DCLK2: variants seen among roughly 807,000 people sequenced by gnomAD.
The protein encoded by DCLK2 is doublecortin like kinase 2.
DCLK2 carries 31 observed loss-of-function variants against 78.4 expected under a neutral mutation model. The observed-to-expected ratio is 0.40, with a 90% CI of 0.30 to 0.53. The LOEUF (loss-of-function observed/expected upper bound fraction) is 0.53. Ranked by LOEUF, DCLK2 falls within the 20% of genes least tolerant of loss-of-function variation. The pLI is 0.61. For missense variants in DCLK2, 872 were observed against 973.7 expected, an observed-to-expected ratio of 0.90 and a Z score of 1.39; for synonymous variants, 407 against 374.9, an observed-to-expected ratio of 1.09 and a Z score of -0.99.
intron 2 of DCLK2, among the ~76,000 whole-genome samples, chr4:150,122,201 A>C (rs1732599330): frequency 1.3e-5 from 2 of 152,184 alleles, no homozygotes. Flanking sequence ...AGTTTATGGA[A>C]TATTCTAAAT....
At chr4:150,122,412 A>G (rs1479302849) in intron 2 of DCLK2, among the ~76,000 whole-genome samples, 1 of 152,240 alleles carries the variant, frequency 6.6e-6, no homozygotes. Flanking sequence ...ACCATGGAAT[A>G]CTATGCAGCC....
intron 2 of DCLK2, among the ~76,000 whole-genome samples, chr4:150,137,033 G>A (rs976650938): frequency 4.0e-5 from 5 of 125,334 alleles, no homozygotes; most frequent in Non-Finnish European, 7.8e-5. Flanking sequence ...CACCCAGGCT[G>A]TGCAGTGGTG....
chr4:150,193,910 C>G (rs1206827426), intron 3 of DCLK2, among the ~76,000 whole-genome samples: 1 of 151,922 alleles, frequency 6.6e-6, no homozygotes, highest in Non-Finnish European at 1.5e-5. Flanking sequence ...AGTCACCATT[C>G]CTGGCTAATT....
chr4:150,250,021 T>C (rs1213221601), intron 15 of DCLK2, among the ~76,000 whole-genome samples: 4 of 152,168 alleles, frequency 2.6e-5, no homozygotes, highest in African/African-American at 9.7e-5. Context: ...TGTTAGGAAT[T>C]AACTCCCTGC....
At chr4:150,190,291 ATAGATAGG>A (rs1486849543) in intron 2 of DCLK2, among the ~76,000 whole-genome samples, 8 of 140,946 alleles carry the variant, frequency 5.7e-5, no homozygotes, top group South Asian at 2.2e-4. Context: ...AGATAGATAG[ATAGATAGG>A]CAGACAGACA....
In DCLK2 at chr4:150,203,870, G is replaced by C. The variant is rs897292861; in HGVS notation, c.1037G>C (p.Gly346Ala). ...TCCAGTTCCTCTCCAACTAGTCCAG[G>C]AAGTTTCAGAGGATTAAAGGTATGA... ...KSSSSSPTSP[G>A]SFRGLKQISA... The change falls in exon 5 of 16, where the codon GGA becomes GCA. Residue 346 changes from glycine (G) to alanine (A), a missense_variant. Gly to Ala is a moderately conservative substitution (Grantham distance 60, BLOSUM62 0). Coordinates refer to ENST00000296550, the MANE Select transcript of DCLK2 (RefSeq NM_001040260.4). The C allele has an allele frequency of 6.2e-7, 1 of 1,613,450 alleles. No individual in the cohort carries two copies. The highest frequency in any genetic ancestry group is 1.3e-5 in the African/African-American group (1 of 75,014).
chr4:150,240,661 A>G (rs908895465), intron 12 of DCLK2, among the ~76,000 whole-genome samples, 185 bp downstream of exon 12: 17 of 150,902 alleles, frequency 1.1e-4, no homozygotes, highest in Non-Finnish European at 2.5e-4. Context: ...ATGACGAGTT[A>G]GTGGGTGCAG....
chr4:150,150,566 G>T (rs1430029599), intron 2 of DCLK2, among the ~76,000 whole-genome samples: 1 of 152,154 alleles, frequency 6.6e-6, no homozygotes, highest in Non-Finnish European at 1.5e-5. Context: ...TTTGATAAAT[G>T]TAGCATTTAT....
chr4:150,078,473 G>A lies in DCLK2; in HGVS notation c.-555G>A, dbSNP rs2150122538. 6.6e-6 allele frequency: 1 copy of A among 151,428 alleles called. No individual in the cohort carries two copies. Among genetic ancestry groups the A allele is most frequent in the East Asian group, 1.9e-4 (1 of 5,144 alleles). 9.4% of individuals were successfully genotyped at this position (151,428 alleles called of 1,614,324 possible). A position where few individuals can be genotyped will look rare whatever the true frequency, so the allele number is the denominator to read the frequency against. ...CACGGCCCTCTCAGCCCCGAACGGC[G>A]CGCGCTGCCCGGCGGGCGGGATCCG... On this transcript the variant is annotated 5_prime_UTR_variant, in exon 1 of 16. Transcript: ENST00000296550.
intron 2 of DCLK2, among the ~76,000 whole-genome samples, chr4:150,117,112 A>G (rs1321942151): frequency 6.6e-6 from 1 of 152,132 alleles, no homozygotes; most frequent in East Asian, 1.9e-4. Context: ...TTTCATGTGC[A>G]GGTGCAAGCA....
rs1481402696 is a variant in DCLK2 at position 150,234,653 on chromosome 4, A to G, written c.1566+1825A>G. The stretch of plus-strand genomic sequence containing the variant: ...TTGATGATTTCTGAGTATCCATTTA[A>G]AAGTATTTGAAATTTTATCTCACTG... On this transcript the variant is annotated intron_variant, in intron 10 of 15. Coordinates refer to ENST00000296550, the MANE Select transcript of DCLK2 (RefSeq NM_001040260.4). Among the ~76,000 whole-genome samples the G allele has an allele frequency of 4.6e-5, 7 of 152,222 alleles. No homozygotes were observed. The Middle Eastern group carries it at 0.01, about 222-fold the overall frequency.
chr4:150,113,543 T>A (rs1731853920), intron 2 of DCLK2, among the ~76,000 whole-genome samples: 1 of 152,186 alleles, frequency 6.6e-6, no homozygotes, highest in Admixed American at 6.5e-5. Flanking sequence ...TGCATAGAGA[T>A]GTTCATAGTA....
At chr4:150,198,248 C>G (rs1739205830) in intron 4 of DCLK2, 145 bp downstream of exon 4, 1 of 673,746 alleles carries the variant, frequency 1.5e-6, no homozygotes, top group African/African-American at 1.9e-5. Context: ...ACTTTTAAAA[C>G]CAAAAGTCAA....
chr4:150,095,445 A>C (rs376325282), intron 1 of DCLK2, among the ~76,000 whole-genome samples: 1 of 152,210 alleles, frequency 6.6e-6, no homozygotes, highest in African/African-American at 2.4e-5. Flanking sequence ...AAGTTGTTGC[A>C]TATAGCTCTC....
intron 4 of DCLK2, among the ~76,000 whole-genome samples, chr4:150,200,826 T>C (rs561620738): frequency 6.6e-6 from 1 of 152,328 alleles, no homozygotes; most frequent in South Asian, 2.1e-4. Flanking sequence ...GATATTAAGC[T>C]AGGTAACATA....
chr4:150,168,296 G>A (rs1385139326), intron 2 of DCLK2, among the ~76,000 whole-genome samples: 1 of 150,970 alleles, frequency 6.6e-6, no homozygotes, highest in Non-Finnish European at 1.5e-5. Context: ...GCAGTGAGCC[G>A]AGATCGTGTC....
chr4:150,122,691 G>A (rs959126758), intron 2 of DCLK2, among the ~76,000 whole-genome samples: 3 of 152,152 alleles, frequency 2.0e-5, no homozygotes, highest in Admixed American at 1.3e-4. Context: ...ACCATAGCAC[G>A]TGTATACCTA....
chr4:150,139,048 T>C (rs964761973), intron 2 of DCLK2, among the ~76,000 whole-genome samples: 1 of 152,112 alleles, frequency 6.6e-6, no homozygotes, highest in Admixed American at 6.6e-5. Context: ...GAAAAATTTT[T>C]TTCAATGGAG....
chr4:150,190,179 G>T (rs1170748362), intron 2 of DCLK2, among the ~76,000 whole-genome samples: 2 of 151,370 alleles, frequency 1.3e-5, no homozygotes, highest in African/African-American at 4.9e-5. Flanking sequence ...CCCTAGCCTG[G>T]GCAACAGAGT....
Sources: allele counts gnomAD v4.1 joint callset (sites outside exome capture counted in the v4.1 genomes callset), GRCh38; gene constraint gnomAD v4.1.1; transcripts MANE v1.5; gene names NCBI Gene and HGNC (gene_info 2026-07-23, HGNC 2026-07-21).